Variants in AMPD2 observed in about 807,000 individuals in gnomAD.
AMPD2 encodes the protein AMP deaminase 2.
Under a neutral mutation model 91.3 loss-of-function variants are expected in AMPD2, and 52 were observed. The observed-to-expected ratio is 0.57, with a 90% CI of 0.46 to 0.72. The LOEUF (loss-of-function observed/expected upper bound fraction) is 0.72, where lower values mean the gene tolerates loss of function less well. Ranked by LOEUF, AMPD2 falls within the 30% of genes least tolerant of loss-of-function variation. The probability of loss-of-function intolerance (pLI) is 0.00; values close to 1 mark genes in which losing one functional copy is unlikely to be tolerated. For synonymous variants in AMPD2, 455 were observed against 456.4 expected (o/e 1.00, Z 0.04); for missense variants, 822 against 1,122.3 (o/e 0.73, Z 3.82).
intron 9 of AMPD2, 110 bp from the exon 10 acceptor site, chr1:109,627,664 G>T (rs1650823467): frequency 4.6e-6 from 7 of 1,537,882 alleles, no homozygotes; most frequent in Non-Finnish European, 6.2e-6. Flanking sequence ...TTCCCTCTTG[G>T]CAGCCTCCAT....
chr1:109,622,614 C>T (rs915246247), intron 2 of AMPD2, among the ~76,000 whole-genome samples: 5 of 152,134 alleles, frequency 3.3e-5, no homozygotes, highest in East Asian at 1.9e-4. Context: ...CCTCTGAGAA[C>T]GTAGCGGTTA....
rs774683299 is a variant in AMPD2, at chr1:109,625,022, C to G, written c.92-281C>G. The stretch of plus-strand genomic sequence containing the variant: ...TGGAGATTCTCATGGCCTGAGGGAT[C>G]AGGCTCTAGTCTCATTTGTGGAGGT... On this transcript the variant is annotated intron_variant, in intron 2 of 18. Coordinates refer to ENST00000528667, the MANE Select transcript of AMPD2 (RefSeq NM_001368809.2). This position sits in a 1 kb window ranked among gnomAD's most constrained non-coding sequence, Gnocchi z 4.0. 2.6e-5 allele frequency among the ~76,000 whole-genome samples: 4 copies of G among 152,146 alleles called. No homozygotes were observed. The highest frequency in any genetic ancestry group is 5.9e-5 in the Non-Finnish European group (4 of 68,012).
intron 9 of AMPD2, 21 bp downstream of exon 9, chr1:109,627,539 G>A: frequency 6.2e-7 from 1 of 1,613,164 alleles, no homozygotes; most frequent in Non-Finnish European, 8.5e-7. Context: ...TGCCATCCCA[G>A]ACACTTAGCT....
chr1:109,621,136 C>T lies in AMPD2; in HGVS notation c.-40C>T. 1 of 1,598,136 alleles carries T rather than the reference C, an allele frequency of 6.3e-7. No homozygotes were observed. Among genetic ancestry groups the T allele is most frequent in the Non-Finnish European group, 8.5e-7 (1 of 1,172,048 alleles). Reference sequence around the variant, plus strand: ...TGGCAGAGCCAGGCCCCAGCCGGTGCCGCTCAGACTCCCCCGCTGTCGCCG... The same window carrying T: ...TGGCAGAGCCAGGCCCCAGCCGGTGTCGCTCAGACTCCCCCGCTGTCGCCG... On this transcript the variant is annotated 5_prime_UTR_variant, in exon 2 of 19. Transcript: ENST00000528667.
In AMPD2 at chr1:109,625,576, G is replaced by A; in HGVS notation, c.223-86G>A. On this transcript the variant is annotated intron_variant, in intron 3 of 18. Transcript: ENST00000528667. The surrounding 1 kb of genome is among the most constrained non-coding windows in gnomAD (Gnocchi z 4.0). ...GCCTCTCCCAGGTACCCCTGGTCCT[G>A]CTGCCCTCACCCCATCCCCAGACTC... The A allele has an allele frequency of 6.3e-7, 1 of 1,597,594 alleles. No individual in the cohort carries two copies. The highest frequency in any genetic ancestry group is 1.1e-5 in the South Asian group (1 of 89,876).
Position 109,627,280 on chromosome 1 carries a change from T to C in AMPD2, c.824T>C (p.Val275Ala). ...TTGGGTCTGCGCATGGTGCGGGGTG[T>C]GGTGCACGTCTACACCCGCAGGGAA... ...LGLGLRMVRG[V>A]VHVYTRREPD... is the part of the protein sequence containing the mutation. The change falls in exon 8 of 19, where the codon GTG becomes GCG. Residue 275 changes from valine (V) to alanine (A), a missense_variant. Physicochemically the swap from Val to Ala is moderately conservative, Grantham distance 64. Coordinates refer to ENST00000528667, the MANE Select transcript of AMPD2 (RefSeq NM_001368809.2). 6.2e-7 allele frequency: 1 copy of C among 1,607,520 alleles called. No homozygotes were observed. Among genetic ancestry groups the C allele is most frequent in the South Asian group, 1.1e-5 (1 of 90,382 alleles).
chr1:109,627,441 G>A lies in AMPD2; in HGVS notation c.873G>A (p.Val291=). 1.2e-6 allele frequency: 2 copies of A among 1,614,092 alleles called. No homozygotes were observed. Among genetic ancestry groups the A allele is most frequent in the South Asian group, 1.1e-5 (1 of 91,088 alleles). ...CCCTCCATGCCAGTTGCTCAGAGGTGGAGCTGCCATACCCTGACCTGCAGG... is the reference window on the plus strand; with the variant it reads ...CCCTCCATGCCAGTTGCTCAGAGGTAGAGCTGCCATACCCTGACCTGCAGG... The part of the protein sequence containing the change: ...RREPDEHCSE[V]ELPYPDLQEF... Residue 291 remains valine (V), a synonymous_variant, in exon 9 of 19, where the codon GTG becomes GTA. Transcript: ENST00000528667.
Position 109,630,782 on chromosome 1 carries a change from T to C in AMPD2, c.2257T>C (p.Phe753Leu). ...CCGCAACAGCGTGCTCATGAGCGGC[T>C]TCTCGCACAAGGTACTACAGCGCCT... ...LARNSVLMSG[F>L]SHKVKSHWLG... is the part of the protein sequence containing the mutation. The change falls in exon 18 of 19, where the codon TTC becomes CTC. Residue 753 changes from phenylalanine (F) to leucine (L), a missense_variant. Coordinates refer to ENST00000528667, the MANE Select transcript of AMPD2 (RefSeq NM_001368809.2). The C allele has an allele frequency of 6.2e-7, 1 of 1,608,722 alleles. No individual in the cohort carries two copies. The highest frequency in any genetic ancestry group is 8.5e-7 in the Non-Finnish European group (1 of 1,177,890).
Position 109,627,187 on chromosome 1 carries a change from AC to A in AMPD2, c.737del (p.Pro246LeufsTer63). ...CTCACCCCTGCAGATGCCCCGGTGC[AC>A]CCCCCTGCGCTGGAGCAGCACCCGT... ...DTPVSADAPVHPPALEQHPYE... is the reference protein window; with the variant it reads ...DTPVSADAPVXPPALEQHPYE... On this transcript the variant is annotated frameshift_variant, in exon 8 of 19. Coordinates refer to ENST00000528667, the MANE Select transcript of AMPD2 (RefSeq NM_001368809.2). LOFTEE classifies it high-confidence loss of function. 2.5e-6 allele frequency: 4 copies of A among 1,612,746 alleles called. No individual in the cohort carries two copies. The highest frequency in any genetic ancestry group is 3.4e-6 in the Non-Finnish European group (4 of 1,179,756).
In AMPD2 at chr1:109,630,933, C is replaced by T. The variant is rs1250103369; in HGVS notation, c.2269-10C>T. 1 of 1,613,754 alleles carries T rather than the reference C, an allele frequency of 6.2e-7. No individual in the cohort carries two copies. Among genetic ancestry groups the T allele is most frequent in the Admixed American group, 1.7e-5 (1 of 59,992 alleles). On this transcript the variant is annotated splice_polypyrimidine_tract_variant and intron_variant, in intron 18 of 18. Transcript: ENST00000528667. The stretch of plus-strand genomic sequence containing the variant: ...GCTGCAGCCCTGCCCATTACCCCCG[C>T]TCCTTGCAGGTAAAGAGCCACTGGC...
At chr1:109,627,040 CA>C in intron 7 of AMPD2, 128 bp downstream of exon 7, 4 of 1,542,524 alleles carry the variant, frequency 2.6e-6, no homozygotes, top group Non-Finnish European at 3.5e-6. Context: ...TCTTGGGGTA[CA>C]GGGGTGGAGG....
intron 2 of AMPD2, 148 bp downstream of exon 2, chr1:109,621,414 GCTTGGAAGGT>G: frequency 3.5e-6 from 2 of 566,732 alleles, no homozygotes; most frequent in Non-Finnish European, 6.3e-6. Context: ...GGGACAGCCG[GCTTGGAAGGT>G]GGGGTGAGGG....
chr1:109,629,293 CA>C, intron 14 of AMPD2, 33 bp from the exon 15 acceptor site: 1 of 1,613,990 alleles, frequency 6.2e-7, no homozygotes, highest in Non-Finnish European at 8.5e-7. Context: ...CATCCAGCTG[CA>C]GCTCTGGTTC....
Position 109,625,159 on chromosome 1 carries a change from A to C in AMPD2, c.92-144A>C. On this transcript the variant is annotated intron_variant, in intron 2 of 18. Transcript: ENST00000528667. This position sits in a 1 kb window ranked among gnomAD's most constrained non-coding sequence, Gnocchi z 4.0. Reference sequence around the variant, plus strand: ...TGAGCCCTTTGGGAGCCACACACACAGGCCTACTCCTCAGCTACTGAGGAG... The same window carrying C: ...TGAGCCCTTTGGGAGCCACACACACCGGCCTACTCCTCAGCTACTGAGGAG... The C allele has an allele frequency of 8.7e-7, 1 of 1,153,556 alleles. No individual in the cohort carries two copies. Among genetic ancestry groups the C allele is most frequent in the South Asian group, 1.6e-5 (1 of 62,892 alleles). The allele number at this position is 1,153,556 out of a possible 1,614,324, so 71.5% of individuals were successfully genotyped here.
rs114022883 is a variant in AMPD2 at position 109,631,535 on chromosome 1, A to C, written c.*383A>C. 5,598 of 325,732 alleles carry C rather than the reference A, an allele frequency of 0.017. 293 individuals are homozygous for C. Among genetic ancestry groups the C allele is most frequent in the African/African-American group, 0.11 (5,208 of 46,804 alleles). The allele number at this position is 325,732 out of a possible 1,614,324, so 20.2% of individuals were successfully genotyped here. On this transcript the variant is annotated 3_prime_UTR_variant, in exon 19 of 19. Coordinates refer to ENST00000528667, the MANE Select transcript of AMPD2 (RefSeq NM_001368809.2). ...CAAATCTAAGCCTTGGCCAGGGCCG[A>C]AGTTTAGGCCCCTGTCTTGTTCATG...
rs181281515 is a variant in AMPD2, at chr1:109,624,243, G to A, written c.92-1060G>A. On this transcript the variant is annotated intron_variant, in intron 2 of 18. Coordinates refer to ENST00000528667, the MANE Select transcript of AMPD2 (RefSeq NM_001368809.2). The surrounding 1 kb of genome is among the most constrained non-coding windows in gnomAD (Gnocchi z 5.2). ...AAGGCCGGCTACCTAGGCAGATCCT[G>A]TAATCCTTCCCTAAGCCAGGGTGGA... Among the ~76,000 whole-genome samples the A allele has an allele frequency of 3.6e-4, 55 of 152,340 alleles. No homozygotes were observed. In the East Asian group the frequency reaches 0.011, roughly 29 times the overall value.
At chr1:109,629,034 T>C in intron 13 of AMPD2, 75 bp from the exon 14 acceptor site, 2 of 1,583,064 alleles carry the variant, frequency 1.3e-6, no homozygotes, top group East Asian at 2.2e-5. Context: ...GGCCAAGCTC[T>C]GACCCTTGCT....
chr1:109,627,669 C>T, intron 9 of AMPD2, 105 bp from the exon 10 acceptor site: 1 of 1,548,442 alleles, frequency 6.5e-7, no homozygotes, highest in Non-Finnish European at 8.8e-7. Context: ...TCTTGGCAGC[C>T]TCCATCCTTA....
intron 9 of AMPD2, 67 bp downstream of exon 9, chr1:109,627,585 C>T: frequency 1.3e-6 from 2 of 1,580,800 alleles, no homozygotes; most frequent in Non-Finnish European, 1.7e-6. Context: ...CCCAGTTCTG[C>T]CCCAGACTCC....
Sources: gnomAD v4.1 joint callset for allele counts (sites outside exome capture counted in the v4.1 genomes callset) on GRCh38, gnomAD v4.1.1 for gene constraint, Gnocchi (gnomAD v3.1) non-coding constraint, MANE v1.5 for transcripts, NCBI Gene and HGNC (gene_info 2026-07-23, HGNC 2026-07-21) for gene names.